Variants in PCDHGA4 observed in about 807,000 individuals in gnomAD.
PCDHGA4 encodes the protein protocadherin gamma subfamily A, 4.
In PCDHGA4, 38 loss-of-function variants were observed where a neutral mutation model predicts 54.6. The observed-to-expected ratio is 0.70, with a 90% CI of 0.54 to 0.91. The LOEUF is 0.91. Among genes scored for constraint, PCDHGA4 ranks in the 40% least tolerant of loss-of-function variants. The pLI, the probability that PCDHGA4 is intolerant of heterozygous loss-of-function variation, is 0.00. For synonymous variants in PCDHGA4, 511 were observed against 512.9 expected, an observed-to-expected ratio of 1.00 and a Z score of 0.05; for missense variants, 1,298 against 1,220.9, an observed-to-expected ratio of 1.06 and a Z score of -0.94.
At position 141,421,681 on chromosome 5, in the gene PCDHGA4, C is replaced by T. The variant is rs750692137; in HGVS notation, c.2514+64060C>T. 4 of 1,613,858 alleles carry T rather than the reference C, an allele frequency of 2.5e-6. No homozygotes were observed. In the South Asian group the frequency reaches 4.4e-5, roughly 18 times the overall value. Reference sequence around the variant, plus strand: ...CAGTGAGCACGCAATTCCTGGGGCGCGATTTGCTCTTCCTAATGCTAGGGA... The same window carrying T: ...CAGTGAGCACGCAATTCCTGGGGCGTGATTTGCTCTTCCTAATGCTAGGGA... On this transcript the variant is annotated intron_variant, in intron 1 of 3. Coordinates refer to ENST00000571252, the MANE Select transcript of PCDHGA4 (RefSeq NM_018917.4).
In PCDHGA4 at chr5:141,391,294, C is replaced by T. The variant is rs1189563844; in HGVS notation, c.2514+33673C>T. On this transcript the variant is annotated intron_variant, in intron 1 of 3. Transcript: ENST00000571252. Reference sequence around the variant, plus strand: ...TTTACAAATTGCTGAAAGAAGGAAACGTCTTTCGATTCTTTTTTTTTTCTT... The same window carrying T: ...TTTACAAATTGCTGAAAGAAGGAAATGTCTTTCGATTCTTTTTTTTTTCTT... 5.9e-5 allele frequency: 9 copies of T among 151,668 alleles called. 2 individuals are homozygous for T. The highest frequency in any genetic ancestry group is 5.3e-4 in the Admixed American group (8 of 15,220). 9.4% of individuals were successfully genotyped at this position (151,668 alleles called of 1,614,324 possible).
chr5:141,443,235 C>G (rs1182428300), intron 1 of PCDHGA4, among the ~76,000 whole-genome samples: 2 of 151,642 alleles, frequency 1.3e-5, no homozygotes, highest in East Asian at 1.9e-4. Flanking sequence ...AATCTTAGCA[C>G]TTTGGGGCGC....
intron 1 of PCDHGA4, chr5:141,385,162 C>T (rs750299709): frequency 6.2e-7 from 1 of 1,614,118 alleles, no homozygotes; most frequent in African/African-American, 1.3e-5. Context: ...GACCTATTCC[C>T]ATGAGGTCTC....
chr5:141,375,344 A>G lies in PCDHGA4; in HGVS notation c.2514+17723A>G, dbSNP rs777877762. 4 of 1,613,836 alleles carry G rather than the reference A, an allele frequency of 2.5e-6. No individual in the cohort carries two copies. The Admixed American group carries it at 6.7e-5, about 27-fold the overall frequency. Reference sequence around the variant, plus strand: ...GGAAGAGGTATTCTTGTACAACATCACTGTGACAGCCACGGACAAAGGAAC... The same window carrying G: ...GGAAGAGGTATTCTTGTACAACATCGCTGTGACAGCCACGGACAAAGGAAC... On this transcript the variant is annotated intron_variant, in intron 1 of 3. Coordinates refer to ENST00000571252, the MANE Select transcript of PCDHGA4 (RefSeq NM_018917.4).
At chr5:141,406,189 C>G (rs1277183811) in intron 1 of PCDHGA4, among the ~76,000 whole-genome samples, 1 of 151,722 alleles carries the variant, frequency 6.6e-6, no homozygotes, top group Admixed American at 6.6e-5. Context: ...CCTCCCACCT[C>G]AGCCTTCACA....
chr5:141,438,599 T>C (rs1320902737), intron 1 of PCDHGA4, among the ~76,000 whole-genome samples: 17 of 32,510 alleles, frequency 5.2e-4, no homozygotes, highest in African/African-American at 6.7e-4. Flanking sequence ...TACATATATA[T>C]ATATATATAT....
Position 141,485,581 on chromosome 5 carries a change from G to C in PCDHGA4, c.2515-9226G>C. The C allele has an allele frequency of 6.2e-7, 1 of 1,612,458 alleles. No individual in the cohort carries two copies. The highest frequency in any genetic ancestry group is 8.5e-7 in the Non-Finnish European group (1 of 1,178,652). ...ATCACGCCCCCCGTTTTCCGCGGCA[G>C]CAGCTGGACTTGGAAATTGGGGAGG... On this transcript the variant is annotated intron_variant, in intron 1 of 3. Coordinates refer to ENST00000571252, the MANE Select transcript of PCDHGA4 (RefSeq NM_018917.4). This position sits in a 1 kb window ranked among gnomAD's most constrained non-coding sequence, Gnocchi z 5.7.
chr5:141,485,786 C>A lies in PCDHGA4; in HGVS notation c.2515-9021C>A. On this transcript the variant is annotated intron_variant, in intron 1 of 3. Transcript: ENST00000571252. This position sits in a 1 kb window ranked among gnomAD's most constrained non-coding sequence, Gnocchi z 5.7. ...GGAGAAGCCTTTGGATCGAGAGAAG[C>A]AATCGGACTACCGCCTGGTGCTGAC... 1 of 1,614,208 alleles carries A rather than the reference C, an allele frequency of 6.2e-7. No individual in the cohort carries two copies. The highest frequency in any genetic ancestry group is 1.3e-5 in the African/African-American group (1 of 75,062).
At chr5:141,501,318 C>T (rs1273608837) in intron 2 of PCDHGA4, among the ~76,000 whole-genome samples, 1 of 151,766 alleles carries the variant, frequency 6.6e-6, no homozygotes, top group African/African-American at 2.4e-5. Flanking sequence ...CACACACACA[C>T]ACACACACAC....
rs1349189547 is a variant in PCDHGA4 at position 141,432,777 on chromosome 5, C to T, written c.2515-62030C>T. Reference sequence around the variant, plus strand: ...GCCGACAGCATCCCCCAAGTCCTGGCGGACCTCGGCAGCCTCGAGTCTCCA... The same window carrying T: ...GCCGACAGCATCCCCCAAGTCCTGGTGGACCTCGGCAGCCTCGAGTCTCCA... On this transcript the variant is annotated intron_variant, in intron 1 of 3. Coordinates refer to ENST00000571252, the MANE Select transcript of PCDHGA4 (RefSeq NM_018917.4). This position sits in a 1 kb window ranked among gnomAD's most constrained non-coding sequence, Gnocchi z 6.0. The T allele has an allele frequency of 6.2e-6, 10 of 1,614,154 alleles. No individual in the cohort carries two copies. The highest frequency in any genetic ancestry group is 7.6e-6 in the Non-Finnish European group (9 of 1,179,992).
intron 1 of PCDHGA4, chr5:141,389,657 G>C (rs372714152): frequency 8.1e-6 from 13 of 1,612,432 alleles, no homozygotes; most frequent in African/African-American, 2.7e-5. Context: ...AGGTAGTGGC[G>C]GTGGACGCAG....
chr5:141,405,435 T>C, intron 1 of PCDHGA4: 1 of 1,463,324 alleles, frequency 6.8e-7, no homozygotes, highest in Non-Finnish European at 9.3e-7. Context: ...TTGTTTTGTT[T>C]TTGAGACAGA....
chr5:141,456,875 A>C (rs2098894225), intron 1 of PCDHGA4, among the ~76,000 whole-genome samples: 1 of 152,190 alleles, frequency 6.6e-6, no homozygotes, highest in African/African-American at 2.4e-5. Context: ...AGGCAGGAGA[A>C]TCGCTTGAAC....
chr5:141,422,836 G>A, intron 1 of PCDHGA4: 1 of 1,614,250 alleles, frequency 6.2e-7, no homozygotes, highest in Middle Eastern at 1.6e-4. Flanking sequence ...GATAGCACGT[G>A]ACAGCGGGGA....
chr5:141,448,955 A>G (rs929888928), intron 1 of PCDHGA4, among the ~76,000 whole-genome samples: 1 of 152,174 alleles, frequency 6.6e-6, no homozygotes. Flanking sequence ...AAAAAAACAA[A>G]CAAACAAACA....
chr5:141,472,853 G>A (rs1283601489), intron 1 of PCDHGA4, among the ~76,000 whole-genome samples: 1 of 151,738 alleles, frequency 6.6e-6, no homozygotes, highest in Non-Finnish European at 1.5e-5. Flanking sequence ...GGGCATGGTG[G>A]CACATGCCTG....
rs1253890351 is a variant in PCDHGA4, at chr5:141,372,427, G to T, written c.2514+14806G>T. The T allele has an allele frequency of 3.1e-6, 5 of 1,613,872 alleles. No homozygotes were observed. Among genetic ancestry groups the T allele is most frequent in the East Asian group, 2.2e-5 (1 of 44,888 alleles). On this transcript the variant is annotated intron_variant, in intron 1 of 3. Coordinates refer to ENST00000571252, the MANE Select transcript of PCDHGA4 (RefSeq NM_018917.4). ...GAGATACAACCTGACCTTAGCGACC[G>T]CCCCACTCCCTCTGACCCTCAGGCG...
chr5:141,413,456 T>C (rs2095643709), intron 1 of PCDHGA4: 30 of 1,613,982 alleles, frequency 1.9e-5, no homozygotes, highest in South Asian at 2.2e-5. Flanking sequence ...GCGGGCAGGA[T>C]AGACCGGGAG....
intron 1 of PCDHGA4, chr5:141,365,896 T>A: frequency 6.2e-6 from 10 of 1,614,212 alleles, no homozygotes; most frequent in Non-Finnish European, 8.5e-6. Flanking sequence ...CCTTCGACTA[T>A]GAGCAGTTGA....
Sources: gnomAD v4.1 joint callset for allele counts (sites outside exome capture counted in the v4.1 genomes callset) on GRCh38, gnomAD v4.1.1 for gene constraint, Gnocchi (gnomAD v3.1) non-coding constraint, MANE v1.5 for transcripts, NCBI Gene and HGNC (gene_info 2026-07-23, HGNC 2026-07-21) for gene names.